Variants in DYM observed in about 807,000 individuals in gnomAD.
The protein encoded by DYM is dymeclin.
Under a neutral mutation model 93.1 loss-of-function variants are expected in DYM, and 78 were observed. That is an observed-to-expected ratio of 0.84 (90% CI 0.70 to 1.01). The LOEUF is 1.01. Ranked by LOEUF, DYM falls within the 50% of genes least tolerant of loss-of-function variation. The pLI, the probability that DYM is intolerant of heterozygous loss-of-function variation, is 0.00. For missense variants in DYM, 789 were observed against 845.0 expected (o/e 0.93, Z 0.82); for synonymous variants, 321 against 319.7 (o/e 1.00, Z -0.04).
chr18:49,294,651 C>A (rs2060406757), intron 8 of DYM, among the ~76,000 whole-genome samples: 1 of 151,982 alleles, frequency 6.6e-6, no homozygotes, highest in Non-Finnish European at 1.5e-5. Context: ...AACTCAAATG[C>A]TTGATAAATT....
intron 1 of DYM, among the ~76,000 whole-genome samples, chr18:49,438,657 G>T (rs1021542611): frequency 6.6e-6 from 1 of 151,490 alleles, no homozygotes; most frequent in Non-Finnish European, 1.5e-5. Context: ...CACTCCCACA[G>T]GAAGCAACAA....
At chr18:49,221,762 G>T (rs9635894) in intron 13 of DYM, among the ~76,000 whole-genome samples, 1 of 151,638 alleles carries the variant, frequency 6.6e-6, no homozygotes, top group Non-Finnish European at 1.5e-5. Context: ...GTTGTGGGGT[G>T]GGGGAAGGAG....
chr18:49,263,123 C>CT (rs879595240), intron 11 of DYM, among the ~76,000 whole-genome samples: 331 of 144,168 alleles, frequency 2.3e-3, no homozygotes, highest in African/African-American at 6.1e-3. Context: ...TGAATATCTT[C>CT]TTTTTTTTTT....
At chr18:49,149,713 T>TG (rs931793037) in intron 15 of DYM, among the ~76,000 whole-genome samples, 25 of 142,820 alleles carry the variant, frequency 1.8e-4, no homozygotes, top group African/African-American at 6.6e-4. Flanking sequence ...TTTTTTTTTT[T>TG]TTTTTTTTTT....
chr18:49,364,703 C>T (rs906704989), intron 5 of DYM, among the ~76,000 whole-genome samples: 1 of 152,158 alleles, frequency 6.6e-6, no homozygotes, highest in Non-Finnish European at 1.5e-5. Flanking sequence ...GGTCCTGCAT[C>T]CCTTTCTACA....
intron 6 of DYM, among the ~76,000 whole-genome samples, chr18:49,360,149 G>T (rs570245788): frequency 1.3e-5 from 2 of 151,968 alleles, no homozygotes; most frequent in East Asian, 3.9e-4. Flanking sequence ...TGCTCCTCAA[G>T]AGTGTTTAAA....
At chr18:49,114,582 T>A (rs148701648) in intron 16 of DYM, 8 of 985,336 alleles carry the variant, frequency 8.1e-6, no homozygotes, top group Middle Eastern at 5.2e-4. Context: ...TTCAAATGGA[T>A]GTAGTTTAAA....
chr18:49,194,450 C>A (rs1451050236), intron 14 of DYM, among the ~76,000 whole-genome samples: 2 of 152,160 alleles, frequency 1.3e-5, no homozygotes, highest in African/African-American at 4.8e-5. Context: ...TTTTTTGGAT[C>A]AAATATGAAT....
In DYM at chr18:49,097,302, C is replaced by T; in HGVS notation, c.2025+100G>A. The stretch of plus-strand genomic sequence containing the variant: ...CTGAGGAGCCCTTCTAGTCTATGTA[C>T]TGGATAAGCAGCATGATTCTGGATA... On this transcript the variant is annotated intron_variant, in intron 17 of 17. Coordinates refer to ENST00000675505, the MANE Select transcript of DYM (RefSeq NM_001353214.3). 15 of 1,074,292 alleles carry T rather than the reference C, an allele frequency of 1.4e-5. 1 individual carries two copies. The South Asian group carries it at 1.9e-4, about 13-fold the overall frequency. The allele number at this position is 1,074,292 out of a possible 1,614,324, so 66.5% of individuals were successfully genotyped here.
chr18:49,251,868 G>C (rs1176592745), intron 13 of DYM, among the ~76,000 whole-genome samples: 1 of 152,070 alleles, frequency 6.6e-6, no homozygotes, highest in African/African-American at 2.4e-5. Context: ...GAAAGATCTA[G>C]ATTATGAATT....
intron 11 of DYM, among the ~76,000 whole-genome samples, chr18:49,259,951 CT>C (rs2094463745): frequency 6.6e-6 from 1 of 151,708 alleles, no homozygotes. Flanking sequence ...GCAAACAGAC[CT>C]CTAATTAAAG....
chr18:49,298,079 T>C (rs911394721), intron 8 of DYM, among the ~76,000 whole-genome samples: 3 of 152,318 alleles, frequency 2.0e-5, no homozygotes, highest in South Asian at 2.1e-4. Flanking sequence ...ACTCTTGAAA[T>C]ATCTGGTGAC....
chr18:49,128,504 C>T (rs1448653921), intron 15 of DYM, among the ~76,000 whole-genome samples: 1 of 152,222 alleles, frequency 6.6e-6, no homozygotes, highest in Admixed American at 6.5e-5. Context: ...TACTGAGTGC[C>T]TTGTCTCATC....
At position 49,323,484 on chromosome 18, in the gene DYM, T is replaced by G. The variant is rs1441146550; in HGVS notation, c.763+8380A>C. Among the ~76,000 whole-genome samples, 5 of 152,282 alleles carry G rather than the reference T, an allele frequency of 3.3e-5. No individual in the cohort carries two copies. The South Asian group carries it at 1.0e-3, about 32-fold the overall frequency. On this transcript the variant is annotated intron_variant, in intron 8 of 17. Coordinates refer to ENST00000675505, the MANE Select transcript of DYM (RefSeq NM_001353214.3). Reference sequence around the variant, plus strand: ...GCCACAGGTCTCAATGTGAAGGGATTAGAAGGTGGAGCTTTGGAAGGTGAT... The same window carrying G: ...GCCACAGGTCTCAATGTGAAGGGATGAGAAGGTGGAGCTTTGGAAGGTGAT...
At chr18:49,371,238 G>A (rs2067015134) in intron 5 of DYM, among the ~76,000 whole-genome samples, 1 of 152,202 alleles carries the variant, frequency 6.6e-6, no homozygotes, top group Non-Finnish European at 1.5e-5. Context: ...GGTGGCTCAT[G>A]CCTATAATCC....
intron 17 of DYM, among the ~76,000 whole-genome samples, chr18:49,090,521 G>C (rs2078948589): frequency 6.6e-6 from 1 of 152,196 alleles, no homozygotes; most frequent in South Asian, 2.1e-4. Context: ...CTGAAGAAGA[G>C]GTTTTGCTGT....
intron 13 of DYM, among the ~76,000 whole-genome samples, chr18:49,226,739 G>T (rs148180272): frequency 3.4e-4 from 52 of 152,158 alleles, no homozygotes; most frequent in African/African-American, 1.3e-3. Flanking sequence ...ATGTCATTAT[G>T]TTCCTCTTTG....
At chr18:49,445,902 C>T (rs1420268594) in intron 1 of DYM, among the ~76,000 whole-genome samples, 1 of 151,948 alleles carries the variant, frequency 6.6e-6, no homozygotes, top group Non-Finnish European at 1.5e-5. Context: ...CAGCAGTGAA[C>T]AATATTTATG....
intron 14 of DYM, among the ~76,000 whole-genome samples, chr18:49,170,997 C>T (rs1374583705): frequency 6.6e-6 from 1 of 151,858 alleles, no homozygotes; most frequent in Non-Finnish European, 1.5e-5. Flanking sequence ...AACAAACGTA[C>T]AAACAAAAAC....
Sources: allele counts gnomAD v4.1 joint callset (sites outside exome capture counted in the v4.1 genomes callset), GRCh38; gene constraint gnomAD v4.1.1; transcripts MANE v1.5; gene names NCBI Gene and HGNC (gene_info 2026-07-23, HGNC 2026-07-21).